The following UTRN variants were observed in gnomAD, a reference collection of about 807,000 sequenced individuals.
UTRN encodes utrophin.
Under a neutral mutation model 463.9 loss-of-function variants are expected in UTRN, and 283 were observed. The ratio of observed to expected loss-of-function variants is 0.61; its 90% CI spans 0.55 to 0.67. The LOEUF (loss-of-function observed/expected upper bound fraction) is 0.67, where lower values mean the gene tolerates loss of function less well. Ranked by LOEUF, UTRN falls within the 30% of genes least tolerant of loss-of-function variation. The pLI, the probability that UTRN is intolerant of heterozygous loss-of-function variation, is 0.00. For synonymous variants in UTRN, 1,442 were observed against 1,431.5 expected, an observed-to-expected ratio of 1.01 and a Z score of -0.17; for missense variants, 3,922 against 4,084.3, an observed-to-expected ratio of 0.96 and a Z score of 1.08.
intron 51 of UTRN, among the ~76,000 whole-genome samples, chr6:144,624,741 G>A (rs1166902332): frequency 6.6e-6 from 1 of 152,170 alleles, no homozygotes; most frequent in Non-Finnish European, 1.5e-5. Context: ...GCAGGCAGTG[G>A]TGATACAGTA....
Position 144,438,871 on chromosome 6 carries a change from A to C in UTRN, c.1368A>C (p.Leu456=), listed in dbSNP as rs528138805. Residue 456 remains leucine (L), a synonymous_variant, in exon 12 of 75, where the codon CTA becomes CTC. Transcript: ENST00000367545. ...CCCTGGATGATGATGTAAAATCTCT[A>C]CAAAAGCTGCTAGAAGAACATAAAG... The part of the protein sequence containing the change: ...TCPLDDDVKS[L]QKLLEEHKSL... The C allele has an allele frequency of 2.5e-6, 4 of 1,614,074 alleles. No homozygotes were observed. The East Asian group carries it at 8.9e-5, about 36-fold the overall frequency.
At chr6:144,750,874 T>TA (rs1396403450) in intron 55 of UTRN, among the ~76,000 whole-genome samples, 22 of 152,146 alleles carry the variant, frequency 1.4e-4, no homozygotes, top group Admixed American at 1.3e-3. Flanking sequence ...TGCTCATAAT[T>TA]ACAATTTCTA....
intron 64 of UTRN, 22 bp from the exon 65 acceptor site, chr6:144,803,014 A>C (rs531446230): frequency 2.1e-4 from 312 of 1,501,784 alleles, no homozygotes; most frequent in Non-Finnish European, 2.7e-4. Context: ...CAAGCCAATA[A>C]ATTTTCTTTT....
chr6:144,486,024 G>A (rs978891245), intron 28 of UTRN, among the ~76,000 whole-genome samples: 1 of 152,190 alleles, frequency 6.6e-6, no homozygotes, highest in Non-Finnish European at 1.5e-5. Context: ...AAATGTACCC[G>A]ATGCTTTGTT....
intron 2 of UTRN, among the ~76,000 whole-genome samples, chr6:144,308,399 C>T (rs141255781): frequency 6.6e-6 from 1 of 152,178 alleles, no homozygotes; most frequent in Non-Finnish European, 1.5e-5. Flanking sequence ...TGGGCTCCAG[C>T]AATCCTCCCA....
chr6:144,596,820 A>G (rs928352791), intron 51 of UTRN, among the ~76,000 whole-genome samples: 5 of 152,192 alleles, frequency 3.3e-5, no homozygotes, highest in Admixed American at 6.5e-5. Flanking sequence ...TATTCTAATA[A>G]AAGCTTGTCA....
intron 52 of UTRN, among the ~76,000 whole-genome samples, chr6:144,685,803 G>A (rs779229240): frequency 6.6e-6 from 1 of 152,076 alleles, no homozygotes; most frequent in Non-Finnish European, 1.5e-5. Context: ...TTTGTTGGGT[G>A]CATTGTTTAC....
chr6:144,579,432 C>T (rs1412454216), intron 51 of UTRN, among the ~76,000 whole-genome samples: 2 of 152,082 alleles, frequency 1.3e-5, no homozygotes, highest in African/African-American at 4.8e-5. Context: ...GAGTAGGTAA[C>T]AGTTTATACA....
At chr6:144,708,439 T>C (rs1785313789) in intron 53 of UTRN, 2 of 635,100 alleles carry the variant, frequency 3.1e-6, no homozygotes. Context: ...CTCTAGAGGC[T>C]CTGACTCCTC....
intron 25 of UTRN, 145 bp from the exon 26 acceptor site, chr6:144,479,667 T>A: frequency 5.5e-6 from 5 of 903,326 alleles, no homozygotes; most frequent in Non-Finnish European, 8.2e-6. Flanking sequence ...AGCGTTAGCA[T>A]GAGATGTATG....
chr6:144,305,502 G>A (rs1447177543), intron 2 of UTRN, among the ~76,000 whole-genome samples: 1 of 152,208 alleles, frequency 6.6e-6, no homozygotes, highest in Admixed American at 6.5e-5. Flanking sequence ...TGAACTGAGT[G>A]ATGACTGTCT....
intron 61 of UTRN, among the ~76,000 whole-genome samples, chr6:144,783,376 G>A (rs1776023552): frequency 6.6e-6 from 1 of 152,146 alleles, no homozygotes; most frequent in Non-Finnish European, 1.5e-5. Context: ...TGTATAGGAA[G>A]TAAATAATGA....
At chr6:144,784,747 C>G (rs1205368616) in intron 61 of UTRN, among the ~76,000 whole-genome samples, 1 of 152,210 alleles carries the variant, frequency 6.6e-6, no homozygotes, top group East Asian at 1.9e-4. Context: ...CACAGTTCCA[C>G]TTGCCTCCAT....
intron 41 of UTRN, among the ~76,000 whole-genome samples, chr6:144,529,406 G>A (rs1796844574): frequency 1.3e-5 from 2 of 152,206 alleles, no homozygotes; most frequent in Non-Finnish European, 2.9e-5. Flanking sequence ...TCCACTATGT[G>A]TCTGCACATG....
At chr6:144,469,703 C>CTTTTTTTTTTTTTTTTTTTT (rs545551155) in intron 23 of UTRN, among the ~76,000 whole-genome samples, 5 of 135,740 alleles carry the variant, frequency 3.7e-5, no homozygotes, top group African/African-American at 1.5e-4. Flanking sequence ...TGTTTCTTTC[C>CTTTTTTTTTTTTTTTTTTTT]TTTTTTTTTT....
intron 41 of UTRN, among the ~76,000 whole-genome samples, chr6:144,529,421 T>C (rs1796846127): frequency 6.6e-6 from 1 of 152,250 alleles, no homozygotes; most frequent in African/African-American, 2.4e-5. Flanking sequence ...CACATGCTGC[T>C]GTTTGTCTGA....
At position 144,846,327 on chromosome 6, in the gene UTRN, G is replaced by A. The variant is rs556055698; in HGVS notation, c.10271-478G>A. ...TGAGGATTAGGCCAGCACTTTCCTT[G>A]ATGCAAGTACTTGGCCACCATTTTC... On this transcript the variant is annotated intron_variant, in intron 73 of 74. Transcript: ENST00000367545. Among the ~76,000 whole-genome samples, 6 of 152,310 alleles carry A rather than the reference G, an allele frequency of 3.9e-5. No individual in the cohort carries two copies. In the South Asian group the frequency reaches 1.2e-3, roughly 32 times the overall value.
At chr6:144,502,020 C>T (rs1198300169) in intron 34 of UTRN, among the ~76,000 whole-genome samples, 1 of 151,730 alleles carries the variant, frequency 6.6e-6, no homozygotes, top group African/African-American at 2.4e-5. Context: ...TTTATCTGTT[C>T]TGATTATCAA....
At chr6:144,680,793 G>A (rs1485333815) in intron 52 of UTRN, among the ~76,000 whole-genome samples, 1 of 152,160 alleles carries the variant, frequency 6.6e-6, no homozygotes, top group Non-Finnish European at 1.5e-5. Flanking sequence ...CTGGGGAAGG[G>A]TAACTAAGTT....
Sources: gnomAD v4.1 joint callset for allele counts (sites outside exome capture counted in the v4.1 genomes callset) on GRCh38, gnomAD v4.1.1 for gene constraint, MANE v1.5 for transcripts, NCBI Gene and HGNC (gene_info 2026-07-23, HGNC 2026-07-21) for gene names.